SCAMP1: variants seen among roughly 807,000 people sequenced by gnomAD.
SCAMP1 encodes the protein secretory carrier-associated membrane protein 1.
Under a neutral mutation model 41.8 loss-of-function variants are expected in SCAMP1, and 15 were observed. The ratio of observed to expected loss-of-function variants is 0.36; its 90% CI spans 0.24 to 0.55. SCAMP1 has a LOEUF of 0.55. SCAMP1 is among the 20% of genes least tolerant of loss of function. The pLI, the probability that SCAMP1 is intolerant of heterozygous loss-of-function variation, is 0.86. For synonymous variants in SCAMP1, 135 were observed against 136.8 expected (o/e 0.99, Z 0.09); for missense variants, 341 against 412.6 (o/e 0.83, Z 1.50).
At chr5:78,373,531 A>G (rs1750995345) in intron 1 of SCAMP1, among the ~76,000 whole-genome samples, 2 of 152,176 alleles carry the variant, frequency 1.3e-5, no homozygotes, top group South Asian at 4.1e-4. Context: ...TTAAGGATTT[A>G]CTATCCATGT....
chr5:78,474,208 C>CA (rs750810338), intron 8 of SCAMP1, among the ~76,000 whole-genome samples: 8 of 152,068 alleles, frequency 5.3e-5, no homozygotes, highest in Non-Finnish European at 2.9e-5. Flanking sequence ...ACCTTCATGG[C>CA]AAAATCACCC....
At position 78,374,575 on chromosome 5, in the gene SCAMP1, A is replaced by G. The variant is rs184448561; in HGVS notation, c.57+13847A>G. On this transcript the variant is annotated intron_variant, in intron 1 of 8. Coordinates refer to ENST00000621999, the MANE Select transcript of SCAMP1 (RefSeq NM_004866.6). ...AAGAAACTAGAATTTCTTGTTTTCT[A>G]TATTATTTAGGTTCATTACATTTAT... Among the ~76,000 whole-genome samples the G allele has an allele frequency of 1.6e-3, 247 of 152,240 alleles. 1 individual carries two copies. The highest frequency in any genetic ancestry group is 0.016 in the Admixed American group (241 of 15,276).
intron 2 of SCAMP1, among the ~76,000 whole-genome samples, chr5:78,408,740 A>G (rs1751994857): frequency 1.3e-5 from 2 of 152,170 alleles, no homozygotes; most frequent in South Asian, 4.1e-4. Flanking sequence ...CTGGGACTCC[A>G]GGCATGTGCC....
chr5:78,449,417 C>A (rs991568461), intron 6 of SCAMP1, among the ~76,000 whole-genome samples: 3 of 152,062 alleles, frequency 2.0e-5, no homozygotes, highest in African/African-American at 7.2e-5. Context: ...AATATATGAT[C>A]CCATTTATAT....
chr5:78,444,613 A>G (rs1753010157), intron 6 of SCAMP1, among the ~76,000 whole-genome samples: 2 of 152,216 alleles, frequency 1.3e-5, no homozygotes, highest in Admixed American at 6.5e-5. Flanking sequence ...CCTGTACACC[A>G]TCAATAATTT....
At chr5:78,444,005 A>G (rs990702123) in intron 6 of SCAMP1, among the ~76,000 whole-genome samples, 5 of 152,018 alleles carry the variant, frequency 3.3e-5, no homozygotes, top group Non-Finnish European at 7.4e-5. Context: ...GAATTTTCGA[A>G]TCTTCTTCCA....
At chr5:78,433,309 G>C (rs1409559925) in intron 6 of SCAMP1, among the ~76,000 whole-genome samples, 1 of 151,594 alleles carries the variant, frequency 6.6e-6, no homozygotes, top group East Asian at 1.9e-4. Context: ...ATAATTTCTT[G>C]TTAAAAACTA....
intron 6 of SCAMP1, among the ~76,000 whole-genome samples, chr5:78,429,738 G>A (rs1471224689): frequency 1.3e-5 from 2 of 152,058 alleles, no homozygotes; most frequent in Non-Finnish European, 2.9e-5. Context: ...CCTTTGGACA[G>A]AATACTGAAA....
At position 78,360,766 on chromosome 5, in the gene SCAMP1, C is replaced by T. The variant is rs755694360; in HGVS notation, c.57+38C>T. The T allele has an allele frequency of 7.0e-6, 11 of 1,576,878 alleles. No individual in the cohort carries two copies. The Admixed American group carries it at 1.1e-4, about 15-fold the overall frequency. On this transcript the variant is annotated intron_variant, in intron 1 of 8. Coordinates refer to ENST00000621999, the MANE Select transcript of SCAMP1 (RefSeq NM_004866.6). Reference sequence around the variant, plus strand: ...CCCAGCATCTCCTGCCGCCGCGACGCGTCGTTGTTTGTGAAAACGGACGAG... The same window carrying T: ...CCCAGCATCTCCTGCCGCCGCGACGTGTCGTTGTTTGTGAAAACGGACGAG...
At chr5:78,466,636 C>T (rs929583639) in intron 8 of SCAMP1, among the ~76,000 whole-genome samples, 2 of 152,102 alleles carry the variant, frequency 1.3e-5, no homozygotes, top group Non-Finnish European at 2.9e-5. Context: ...TGAAATTGAA[C>T]ACGTAAGTAT....
intron 3 of SCAMP1, 122 bp from the exon 4 acceptor site, chr5:78,416,419 G>A: frequency 1.5e-6 from 1 of 652,548 alleles, no homozygotes. Flanking sequence ...GTAAATTCCT[G>A]TACTTTGGAA....
chr5:78,416,973 A>T (rs1268664384), intron 4 of SCAMP1, among the ~76,000 whole-genome samples: 1 of 152,190 alleles, frequency 6.6e-6, no homozygotes, highest in African/African-American at 2.4e-5. Context: ...TGGACTCTTT[A>T]TGAGTACATT....
chr5:78,471,481 ATTTG>A (rs138672263), intron 8 of SCAMP1, among the ~76,000 whole-genome samples: 1,612 of 152,272 alleles, frequency 0.011, 37 homozygotes, highest in African/African-American at 0.037. Flanking sequence ...TAAAAAACTC[ATTTG>A]TTTTTATTTT....
intron 8 of SCAMP1, among the ~76,000 whole-genome samples, chr5:78,459,912 C>G (rs962233644): frequency 6.6e-6 from 1 of 152,054 alleles, no homozygotes; most frequent in African/African-American, 2.4e-5. Flanking sequence ...TTGCTCTTCT[C>G]CCTCCCTCCC....
intron 2 of SCAMP1, among the ~76,000 whole-genome samples, chr5:78,393,391 C>T (rs1751567237): frequency 6.6e-6 from 1 of 152,156 alleles, no homozygotes; most frequent in African/African-American, 2.4e-5. Context: ...AGGCTGGTCT[C>T]AAACTCCTGG....
At chr5:78,453,985 T>A (rs925282730) in intron 7 of SCAMP1, among the ~76,000 whole-genome samples, 4 of 152,200 alleles carry the variant, frequency 2.6e-5, no homozygotes, top group African/African-American at 9.6e-5. Context: ...TGGCTCTCTG[T>A]CTGTTATTGG....
At chr5:78,389,794 A>G (rs1049487956) in intron 2 of SCAMP1, among the ~76,000 whole-genome samples, 1 of 151,668 alleles carries the variant, frequency 6.6e-6, no homozygotes. Flanking sequence ...TGTTGAGACT[A>G]TCTCCAGAAT....
intron 2 of SCAMP1, among the ~76,000 whole-genome samples, chr5:78,394,692 T>C (rs527364883): frequency 1.9e-4 from 29 of 152,362 alleles, no homozygotes; most frequent in African/African-American, 6.7e-4. Context: ...TTCTTTTTTC[T>C]TTCTCTTTGC....
intron 6 of SCAMP1, among the ~76,000 whole-genome samples, chr5:78,446,500 G>C (rs1051545162): frequency 2.1e-5 from 3 of 142,318 alleles, no homozygotes; most frequent in Non-Finnish European, 4.6e-5. Flanking sequence ...AAAACTCTAA[G>C]TGAAAAAAAT....
Sources: allele counts gnomAD v4.1 joint callset (sites outside exome capture counted in the v4.1 genomes callset), GRCh38; gene constraint gnomAD v4.1.1; transcripts MANE v1.5; gene names NCBI Gene and HGNC (gene_info 2026-07-23, HGNC 2026-07-21).